The following DTWD1 variants were observed in gnomAD, a reference collection of about 807,000 sequenced individuals.
DTWD1 encodes the protein DTW motif tRNA-uridine aminocarboxypropyltransferase 1, also known as tRNA-uridine aminocarboxypropyltransferase 1.
Under a neutral mutation model 30.2 loss-of-function variants are expected in DTWD1, and 27 were observed. The observed-to-expected ratio is 0.90, with a 90% CI of 0.66 to 1.23. The LOEUF is 1.23. Ranked by LOEUF, DTWD1 falls within the 50% of genes most tolerant of loss-of-function variation. The probability of loss-of-function intolerance (pLI) is 0.00; values close to 1 mark genes in which losing one functional copy is unlikely to be tolerated. For synonymous variants in DTWD1, 99 were observed against 113.1 expected, an observed-to-expected ratio of 0.88 and a Z score of 0.79; for missense variants, 342 against 348.8, an observed-to-expected ratio of 0.98 and a Z score of 0.15.
At position 49,643,306 on chromosome 15, in the gene DTWD1, C is replaced by CTTTTTTTTTTTTTTT. The variant is rs5812490; in HGVS notation, c.668-20_668-6dup. On this transcript the variant is annotated intron_variant, in intron 4 of 4. Coordinates refer to ENST00000403028, the MANE Select transcript of DTWD1 (RefSeq NM_001144955.2). ...ATTTATATTTTTTCTTTCTTTCTTT[C>CTTTTTTTTTTTTTTT]TTTTTTTTTTTTTTTTTTTGACAGG... 8 of 1,201,908 alleles carry CTTTTTTTTTTTTTTT rather than the reference C, an allele frequency of 6.7e-6. No individual in the cohort carries two copies. The South Asian group carries it at 8.5e-5, about 13-fold the overall frequency. The allele number at this position is 1,201,908 out of a possible 1,614,324, so 74.5% of individuals were successfully genotyped here.
intron 4 of DTWD1, among the ~76,000 whole-genome samples, chr15:49,635,109 A>G (rs2153353074): frequency 6.6e-6 from 1 of 152,160 alleles, no homozygotes; most frequent in Admixed American, 6.5e-5. Context: ...ATCTTGGCTC[A>G]CTGCAACCTC....
chr15:49,632,153 C>CT lies in DTWD1; in HGVS notation c.265-3dup. 1 of 1,553,118 alleles carries CT rather than the reference C, an allele frequency of 6.4e-7. No homozygotes were observed. The highest frequency in any genetic ancestry group is 8.6e-7 in the Non-Finnish European group (1 of 1,159,028). On this transcript the variant is annotated splice_polypyrimidine_tract_variant and splice_region_variant and intron_variant, in intron 2 of 4. Transcript: ENST00000403028. ...ATTTTTTTATTTGTGCTTTTTTTACCTTTAGCTTCCATTGAAGATTGACAT... is the reference window on the plus strand; with the variant it reads ...ATTTTTTTATTTGTGCTTTTTTTACCTTTTAGCTTCCATTGAAGATTGACAT...
intron 4 of DTWD1, among the ~76,000 whole-genome samples, chr15:49,636,218 G>A (rs2079000555): frequency 6.6e-6 from 1 of 151,556 alleles, no homozygotes. Context: ...TTCGTTGTAT[G>A]GATATGCTAC....
At position 49,648,302 on chromosome 15, in the gene DTWD1, ATTAT is replaced by A. The variant is rs2079132914; in HGVS notation, c.*4730_*4733del. On this transcript the variant is annotated 3_prime_UTR_variant, in exon 5 of 5. Transcript: ENST00000403028. ...GAGCCAAAGCGCTTCTCCCCAAATT[ATTAT>A]TTATTCATTTTTGAGACAGAGTCTC... 6.6e-6 allele frequency: 1 copy of A among 151,952 alleles called. No homozygotes were observed. Among genetic ancestry groups the A allele is most frequent in the South Asian group, 2.1e-4 (1 of 4,822 alleles). The allele number at this position is 151,952 out of a possible 1,614,324, so 9.4% of individuals were successfully genotyped here.
At chr15:49,633,057 A>ATATATATATATC (rs1484283893) in intron 3 of DTWD1, among the ~76,000 whole-genome samples, 5 of 146,036 alleles carry the variant, frequency 3.4e-5, no homozygotes, top group Admixed American at 2.1e-4. Flanking sequence ...ATCTATATAT[A>ATATATATATATC]TATATATATA....
chr15:49,631,332 T>A (rs2078917830), intron 2 of DTWD1, among the ~76,000 whole-genome samples: 1 of 152,224 alleles, frequency 6.6e-6, no homozygotes. Context: ...TAATTTGTGC[T>A]ATTGAAAATG....
chr15:49,631,857 G>A (rs2153352381), intron 2 of DTWD1, among the ~76,000 whole-genome samples: 1 of 152,304 alleles, frequency 6.6e-6, no homozygotes, highest in East Asian at 1.9e-4. Flanking sequence ...ATGGTGAAAT[G>A]CAAAGAATTG....
intron 3 of DTWD1, among the ~76,000 whole-genome samples, chr15:49,633,904 C>G (rs1206276956): frequency 6.6e-6 from 1 of 152,098 alleles, no homozygotes; most frequent in Non-Finnish European, 1.5e-5. Context: ...TGTAATTTTT[C>G]CTGGAAGGTT....
chr15:49,625,443 A>G lies in DTWD1; in HGVS notation c.264+12A>G. 6.2e-7 allele frequency: 1 copy of G among 1,600,506 alleles called. No homozygotes were observed. The highest frequency in any genetic ancestry group is 1.1e-5 in the South Asian group (1 of 88,584). ...TTCCACTTGTGAAGGTTAGTAAGAA[A>G]TTTAATTGTTTGAAAGTATGAAAAT... On this transcript the variant is annotated intron_variant, in intron 2 of 4. Coordinates refer to ENST00000403028, the MANE Select transcript of DTWD1 (RefSeq NM_001144955.2).
chr15:49,634,967 A>G (rs1219570027), intron 4 of DTWD1, among the ~76,000 whole-genome samples, 173 bp downstream of exon 4: 2 of 152,054 alleles, frequency 1.3e-5, no homozygotes, highest in African/African-American at 4.8e-5. Context: ...TATATTATAT[A>G]TTTTTTGGTT....
In DTWD1 at chr15:49,643,490, A is replaced by G. The variant is rs764056587; in HGVS notation, c.827A>G (p.Asn276Ser). The G allele has an allele frequency of 6.8e-6, 11 of 1,609,430 alleles. No homozygotes were observed. The highest frequency in any genetic ancestry group is 2.2e-5 in the East Asian group (1 of 44,670). The change falls in exon 5 of 5, where the codon AAT becomes AGT. Residue 276 changes from asparagine to serine, a missense_variant. Coordinates refer to ENST00000403028, the MANE Select transcript of DTWD1 (RefSeq NM_001144955.2). ...GAGAAATACAGAGGGCAATATGACA[A>G]TCTTTTATTTTTCTATTCTTTTATG... ...LKEKYRGQYD[N>S]LLFFYSFMYQ... is the part of the protein sequence containing the mutation.
Position 49,652,890 on chromosome 15 carries a change from CAGA to C in DTWD1, c.*9315_*9317del, listed in dbSNP as rs1278374672. 1 of 152,168 alleles carries C rather than the reference CAGA, an allele frequency of 6.6e-6. No homozygotes were observed. The highest frequency in any genetic ancestry group is 1.5e-5 in the Non-Finnish European group (1 of 68,044). 9.4% of individuals were successfully genotyped at this position (152,168 alleles called of 1,614,324 possible). A position where few individuals can be genotyped will look rare whatever the true frequency, so the allele number is the denominator to read the frequency against. On this transcript the variant is annotated 3_prime_UTR_variant, in exon 5 of 5. Coordinates refer to ENST00000403028, the MANE Select transcript of DTWD1 (RefSeq NM_001144955.2). The stretch of plus-strand genomic sequence containing the variant: ...GCTCCTTCAGAGTCTGCTTCAACTG[CAGA>C]AGGACACTGTGCTTGAGGTCATACC...
At chr15:49,625,459 G>T (rs200261970) in intron 2 of DTWD1, 28 bp downstream of exon 2, 2 of 1,581,796 alleles carry the variant, frequency 1.3e-6, no homozygotes, top group South Asian at 2.3e-5. Context: ...TTGTTTGAAA[G>T]TATGAAAATA....
rs940949810 is a variant in DTWD1 at position 49,646,448 on chromosome 15, T to A, written c.*2870T>A. 3 of 152,102 alleles carry A rather than the reference T, an allele frequency of 2.0e-5. No individual in the cohort carries two copies. Among genetic ancestry groups the A allele is most frequent in the Non-Finnish European group, 4.4e-5 (3 of 68,022 alleles). 9.4% of individuals were successfully genotyped at this position (152,102 alleles called of 1,614,324 possible). On this transcript the variant is annotated 3_prime_UTR_variant, in exon 5 of 5. Transcript: ENST00000403028. ...ACAGATTACCAGCAGGTTTGTATGA[T>A]TCCTCTGCTTGAGATCAATTAGCCA...
chr15:49,625,407 T>C lies in DTWD1; in HGVS notation c.240T>C (p.Pro80=), dbSNP rs748705396. 1.5e-5 allele frequency: 25 copies of C among 1,612,926 alleles called. No individual in the cohort carries two copies. The South Asian group carries it at 2.5e-4, about 16-fold the overall frequency. Residue 80 remains proline, a synonymous_variant, in exon 2 of 5, where the codon CCT becomes CCC. Transcript: ENST00000403028. Reference sequence around the variant, plus strand: ...GTTATGTTCCAGTTGAAAATGTACCTATTGAACAGATTCCACTTGTGAAGG... The same window carrying C: ...GTTATGTTCCAGTTGAAAATGTACCCATTGAACAGATTCCACTTGTGAAGG... ...YTCYVPVENV[P]IEQIPLVKLP...
rs1428500912 is a variant in DTWD1 at position 49,625,826 on chromosome 15, CACTA to C, written c.264+396_264+399del. ...AAGGAGGGGTTAGGAGTGGTCTGTC[CACTA>C]TAGTATAAGGCATGTCTGGACATGT... is the stretch of plus-strand genomic sequence containing the variant. On this transcript the variant is annotated intron_variant, in intron 2 of 4. Transcript: ENST00000403028. Among the ~76,000 whole-genome samples, 13 of 152,152 alleles carry C rather than the reference CACTA, an allele frequency of 8.5e-5. No individual in the cohort carries two copies. In the East Asian group the frequency reaches 2.5e-3, roughly 29 times the overall value.
chr15:49,648,794 C>G lies in DTWD1; in HGVS notation c.*5216C>G, dbSNP rs901268831. 1 of 152,158 alleles carries G rather than the reference C, an allele frequency of 6.6e-6. No individual in the cohort carries two copies. The highest frequency in any genetic ancestry group is 1.5e-5 in the Non-Finnish European group (1 of 68,024). The allele number at this position is 152,158 out of a possible 1,614,324, so 9.4% of individuals were successfully genotyped here. The stretch of plus-strand genomic sequence containing the variant: ...AGCTGATTGATTTACTATGACCTCA[C>G]TCTTTATTCAGCAGTTCTGCCACTA... On this transcript the variant is annotated 3_prime_UTR_variant, in exon 5 of 5. Transcript: ENST00000403028.
At position 49,654,524 on chromosome 15, in the gene DTWD1, A is replaced by G. The variant is rs2079168840; in HGVS notation, c.*10946A>G. The G allele has an allele frequency of 6.6e-6, 1 of 152,018 alleles. No homozygotes were observed. The highest frequency in any genetic ancestry group is 2.1e-4 in the South Asian group (1 of 4,826). 9.4% of individuals were successfully genotyped at this position (152,018 alleles called of 1,614,324 possible). On this transcript the variant is annotated 3_prime_UTR_variant, in exon 5 of 5. Transcript: ENST00000403028. ...AGGATATCCTTCTAGAGATATCCAT[A>G]TCTCTAGGGACATGGTGAGTCCCTA...
chr15:49,649,126 A>G lies in DTWD1; in HGVS notation c.*5548A>G, dbSNP rs543339530. 7.4e-4 allele frequency: 113 copies of G among 152,322 alleles called. No homozygotes were observed. Among genetic ancestry groups the G allele is most frequent in the African/African-American group, 2.4e-3 (101 of 41,584 alleles). 9.4% of individuals were successfully genotyped at this position (152,322 alleles called of 1,614,324 possible). Reference sequence around the variant, plus strand: ...CAAGGAATTTCAGAACACTGTGGATAGAAAATACTAAAAGATTTCAAACAG... The same window carrying G: ...CAAGGAATTTCAGAACACTGTGGATGGAAAATACTAAAAGATTTCAAACAG... On this transcript the variant is annotated 3_prime_UTR_variant, in exon 5 of 5. Coordinates refer to ENST00000403028, the MANE Select transcript of DTWD1 (RefSeq NM_001144955.2).
Sources: gnomAD v4.1 joint callset for allele counts (sites outside exome capture counted in the v4.1 genomes callset) on GRCh38, gnomAD v4.1.1 for gene constraint, MANE v1.5 for transcripts, NCBI Gene and HGNC (gene_info 2026-07-23, HGNC 2026-07-21) for gene names.